Variants in INTS4 observed in about 807,000 individuals in gnomAD.
The protein encoded by INTS4 is MSTP093.
In INTS4, 70 loss-of-function variants were observed where a neutral mutation model predicts 119.5. The observed-to-expected ratio is 0.59, with a 90% CI of 0.48 to 0.71. The LOEUF (loss-of-function observed/expected upper bound fraction) is 0.71. Ranked by LOEUF, INTS4 falls within the 30% of genes least tolerant of loss-of-function variation. The pLI, the probability that INTS4 is intolerant of heterozygous loss-of-function variation, is 0.00. For missense variants in INTS4, 867 were observed against 1,173.2 expected, an observed-to-expected ratio of 0.74 and a Z score of 3.81; for synonymous variants, 316 against 419.6, an observed-to-expected ratio of 0.75 and a Z score of 3.02.
chr11:77,920,222 C>CATATATATACAA (rs1565244761), intron 14 of INTS4, among the ~76,000 whole-genome samples: 1 of 85,298 alleles, frequency 1.2e-5, no homozygotes, highest in African/African-American at 5.3e-5. Flanking sequence ...TATATATACA[C>CATATATATACAA]ATATACATAC....
chr11:77,880,720 G>A (rs974132810), intron 22 of INTS4, among the ~76,000 whole-genome samples: 1 of 152,180 alleles, frequency 6.6e-6, no homozygotes, highest in African/African-American at 2.4e-5. Context: ...CACTTTGGGA[G>A]GGCAAGGCAG....
intron 4 of INTS4, among the ~76,000 whole-genome samples, chr11:77,965,281 G>A (rs1041219201): frequency 2.6e-5 from 4 of 151,890 alleles, no homozygotes; most frequent in African/African-American, 7.3e-5. Context: ...TGAATTCCTG[G>A]ACTCAAGCAA....
In INTS4 at chr11:77,903,550, G is replaced by T. The variant is rs1448104191; in HGVS notation, c.2087C>A (p.Ala696Glu). Residue 696 changes from alanine to glutamate, a missense_variant, in exon 17 of 23, where the codon GCA (alanine) becomes GAA (glutamate). By Grantham distance (107) the Ala-to-Glu change is moderately radical (BLOSUM62 -1). This residue lies in a region of INTS4 where 262 missense variants were observed against 376.0 expected (regional missense o/e 0.70). Coordinates refer to ENST00000534064, the MANE Select transcript of INTS4 (RefSeq NM_033547.4). The part of the protein sequence containing the change: ...YLKQSDLASA[A>E]AKQIMEETYK... ...TCTGAATAAGCTTACCTGTTTCGCT[G>T]CTGCTGAGGCCAAATCACTCTGCTT... The T allele has an allele frequency of 7.4e-6, 12 of 1,613,728 alleles. No individual in the cohort carries two copies. Among genetic ancestry groups the T allele is most frequent in the Non-Finnish European group, 1.0e-5 (12 of 1,179,810 alleles).
intron 4 of INTS4, among the ~76,000 whole-genome samples, chr11:77,962,597 G>A (rs1855283482): frequency 6.6e-6 from 1 of 151,976 alleles, no homozygotes; most frequent in African/African-American, 2.4e-5. Flanking sequence ...AGCACCCAAA[G>A]TAAGAAACAC....
intron 4 of INTS4, among the ~76,000 whole-genome samples, chr11:77,963,116 A>T (rs762197604): frequency 1.1e-4 from 17 of 152,106 alleles, no homozygotes; most frequent in Admixed American, 4.6e-4. Flanking sequence ...CCTCTGTTAC[A>T]AACACTTTGA....
intron 15 of INTS4, among the ~76,000 whole-genome samples, chr11:77,908,816 T>C (rs533325317): frequency 6.7e-6 from 1 of 150,216 alleles, no homozygotes; most frequent in East Asian, 1.9e-4. Context: ...GAACAAGTAT[T>C]TTTTTGTATC....
At chr11:77,906,788 A>G (rs570727477) in intron 16 of INTS4, among the ~76,000 whole-genome samples, 151 of 152,336 alleles carry the variant, frequency 9.9e-4, no homozygotes, top group African/African-American at 3.5e-3. Flanking sequence ...CTTTAGCCAA[A>G]CATCATTAAT....
intron 10 of INTS4, among the ~76,000 whole-genome samples, chr11:77,937,877 T>C (rs1300893834): frequency 6.6e-6 from 1 of 151,856 alleles, no homozygotes; most frequent in African/African-American, 2.4e-5. Flanking sequence ...AGAGTTTTGC[T>C]CTGTTGCTTG....
chr11:77,906,385 T>C (rs2136453537), intron 16 of INTS4, among the ~76,000 whole-genome samples: 1 of 152,342 alleles, frequency 6.6e-6, no homozygotes, highest in South Asian at 2.1e-4. Context: ...CTGTCACCCC[T>C]TGTCATTGAA....
At chr11:77,879,395 T>C (rs576499928) in intron 22 of INTS4, among the ~76,000 whole-genome samples, 2 of 152,174 alleles carry the variant, frequency 1.3e-5, no homozygotes, top group Non-Finnish European at 1.5e-5. Context: ...AGGAAGATAA[T>C]TGCTTCATGA....
chr11:77,892,980 G>A (rs1952342763), intron 19 of INTS4, among the ~76,000 whole-genome samples: 1 of 152,204 alleles, frequency 6.6e-6, no homozygotes, highest in African/African-American at 2.4e-5. Flanking sequence ...CCTGTAAGAA[G>A]CTATCATCAC....
At chr11:77,966,393 C>T (rs1855505288) in intron 4 of INTS4, among the ~76,000 whole-genome samples, 1 of 152,182 alleles carries the variant, frequency 6.6e-6, no homozygotes, top group Non-Finnish European at 1.5e-5. Flanking sequence ...TGCCACAGAG[C>T]TTTCCCTGTG....
chr11:77,911,042 G>A, intron 15 of INTS4: 3 of 1,288,848 alleles, frequency 2.3e-6, no homozygotes, highest in Non-Finnish European at 3.0e-6. Context: ...ACAGTAGCCT[G>A]GAAAAAACCG....
chr11:77,951,721 C>G (rs1232093363), intron 8 of INTS4, among the ~76,000 whole-genome samples: 2 of 152,188 alleles, frequency 1.3e-5, no homozygotes, highest in African/African-American at 4.8e-5. Context: ...TCAGAGTGAA[C>G]AGGCAACCTA....
At position 77,989,759 on chromosome 11, in the gene INTS4, G is replaced by A. The variant is rs1482922676; in HGVS notation, c.246+1349C>T. On this transcript the variant is annotated intron_variant, in intron 2 of 22. Coordinates refer to ENST00000534064, the MANE Select transcript of INTS4 (RefSeq NM_033547.4). ...AAAAAAAAATACAAAAATTAGCCAGGCATGCTGCACATGCCTGTAGTCCCA... is the reference window on the plus strand; with the variant it reads ...AAAAAAAAATACAAAAATTAGCCAGACATGCTGCACATGCCTGTAGTCCCA... 2.6e-5 allele frequency among the ~76,000 whole-genome samples: 4 copies of A among 151,420 alleles called. No individual in the cohort carries two copies. In the East Asian group the frequency reaches 7.8e-4, roughly 29 times the overall value.
chr11:77,969,774 A>AAC, intron 4 of INTS4, among the ~76,000 whole-genome samples: 1 of 152,066 alleles, frequency 6.6e-6, no homozygotes, highest in East Asian at 1.9e-4. Context: ...CAAAAAAAAA[A>AAC]AAAAAGCCAT....
rs958086747 is a variant in INTS4 at position 77,960,889 on chromosome 11, T to C, written c.657+64A>G. 59 of 1,404,446 alleles carry C rather than the reference T, an allele frequency of 4.2e-5. 1 individual carries two copies. The South Asian group carries it at 7.5e-4, about 18-fold the overall frequency. The allele number at this position is 1,404,446 out of a possible 1,614,324, so 87.0% of individuals were successfully genotyped here. ...ATTTACAATGTATCCAAGGCAGCAC[T>C]AGCTATAAACTTAAAAAACAAAAAT... On this transcript the variant is annotated intron_variant, in intron 5 of 22. Coordinates refer to ENST00000534064, the MANE Select transcript of INTS4 (RefSeq NM_033547.4).
At chr11:77,940,394 G>A (rs536162157) in intron 9 of INTS4, among the ~76,000 whole-genome samples, 2 of 152,114 alleles carry the variant, frequency 1.3e-5, no homozygotes, top group African/African-American at 2.4e-5. Context: ...TTGTGCCACT[G>A]CATTTCAGCC....
chr11:77,888,273 A>G (rs1477948069), intron 21 of INTS4, among the ~76,000 whole-genome samples: 1 of 152,234 alleles, frequency 6.6e-6, no homozygotes, highest in African/African-American at 2.4e-5. Context: ...AATGCCACAT[A>G]TCTACAACCA....
Sources: allele counts gnomAD v4.1 joint callset (sites outside exome capture counted in the v4.1 genomes callset), GRCh38; gene constraint gnomAD v4.1.1; regional missense constraint gnomAD v4.1.1; transcripts MANE v1.5; gene names NCBI Gene and HGNC (gene_info 2026-07-23, HGNC 2026-07-21).